Variants in RAP1GDS1 observed in about 807,000 individuals in gnomAD.
The protein encoded by RAP1GDS1 is Rap1 GTPase-GDP dissociation stimulator 1.
A neutral mutation model predicts 71.1 loss-of-function variants in RAP1GDS1; 35 were observed. The observed-to-expected ratio is 0.49, with a 90% CI of 0.38 to 0.65. The LOEUF (loss-of-function observed/expected upper bound fraction) is 0.65. Ranked by LOEUF, RAP1GDS1 falls within the 30% of genes least tolerant of loss-of-function variation. RAP1GDS1 has a pLI of 0.00. For missense variants in RAP1GDS1, 663 were observed against 706.1 expected (o/e 0.94, Z 0.69); for synonymous variants, 229 against 243.1 (o/e 0.94, Z 0.54).
intron 1 of RAP1GDS1, among the ~76,000 whole-genome samples, chr4:98,287,550 A>G (rs891552635): frequency 1.3e-5 from 2 of 152,204 alleles, no homozygotes; most frequent in Non-Finnish European, 2.9e-5. Context: ...GGGAGCAAAG[A>G]CCATGTATAT....
intron 4 of RAP1GDS1, among the ~76,000 whole-genome samples, chr4:98,372,182 A>T (rs1345339333): frequency 4.6e-5 from 7 of 150,774 alleles, no homozygotes; most frequent in Non-Finnish European, 7.4e-5. Context: ...TTTGTTTTTG[A>T]GGTGGAGTCT....
intron 2 of RAP1GDS1, among the ~76,000 whole-genome samples, chr4:98,308,430 A>G (rs962425338): frequency 2.0e-5 from 3 of 149,526 alleles, no homozygotes; most frequent in African/African-American, 7.3e-5. Context: ...TGATTGTGCC[A>G]CTGCACTCTA....
At chr4:98,359,301 C>CA (rs1560897940) in intron 4 of RAP1GDS1, among the ~76,000 whole-genome samples, 1 of 151,394 alleles carries the variant, frequency 6.6e-6, no homozygotes, top group Admixed American at 6.6e-5. Flanking sequence ...TATTATAGAC[C>CA]AAAAAAAGTG....
intron 7 of RAP1GDS1, among the ~76,000 whole-genome samples, chr4:98,411,937 T>A (rs1747126148): frequency 6.6e-6 from 1 of 152,188 alleles, no homozygotes; most frequent in Non-Finnish European, 1.5e-5. Context: ...GCCCTACTTT[T>A]AGCATGGCAC....
At chr4:98,409,629 GA>G (rs1426323181) in intron 7 of RAP1GDS1, 3 of 244,106 alleles carry the variant, frequency 1.2e-5, no homozygotes, top group South Asian at 5.8e-5. Flanking sequence ...AAAAGAAAAA[GA>G]AGGGAGCCAA....
intron 2 of RAP1GDS1, among the ~76,000 whole-genome samples, chr4:98,336,133 T>C (rs138696765): frequency 0.012 from 1,787 of 152,294 alleles, 14 homozygotes; most frequent in Non-Finnish European, 0.019. Context: ...TATTGTGTCC[T>C]CATTCTCTTA....
At chr4:98,429,266 A>AG (rs1561007625) in intron 12 of RAP1GDS1, among the ~76,000 whole-genome samples, 1 of 151,788 alleles carries the variant, frequency 6.6e-6, no homozygotes, top group East Asian at 1.9e-4. Context: ...CAAAAAAAAA[A>AG]AAAAAAAGAA....
At chr4:98,348,114 C>T (rs544767542) in intron 3 of RAP1GDS1, among the ~76,000 whole-genome samples, 2 of 152,162 alleles carry the variant, frequency 1.3e-5, no homozygotes, top group South Asian at 2.1e-4. Flanking sequence ...ATCCCTCCCC[C>T]GTACCCCCAC....
intron 3 of RAP1GDS1, among the ~76,000 whole-genome samples, chr4:98,344,327 A>G (rs1384810995): frequency 1.3e-5 from 2 of 152,136 alleles, no homozygotes; most frequent in African/African-American, 2.4e-5. Context: ...ACCAACCCCT[A>G]TCTGAATTTT....
rs73832190 is a variant in RAP1GDS1, at chr4:98,265,195, C to T, written c.4+3626C>T. Among the ~76,000 whole-genome samples the T allele has an allele frequency of 8.5e-3, 1,291 of 152,088 alleles. 15 individuals are homozygous for T. The highest frequency in any genetic ancestry group is 0.026 in the African/African-American group (1,062 of 41,492). ...AATGGCTTGAACCAGGTTATGGCAA[C>T]GGGAATAGAATATTGCAAATAAAGA... On this transcript the variant is annotated intron_variant, in intron 1 of 14. Transcript: ENST00000408927.
Position 98,312,190 on chromosome 4 carries a change from A to G in RAP1GDS1, c.112+18675A>G, listed in dbSNP as rs74487027. ...GGGGAAGCATTTTAATAATAGTATC[A>G]TCTAATTTTGCAATTCATGAACACC... On this transcript the variant is annotated intron_variant, in intron 2 of 14. Coordinates refer to ENST00000408927, the MANE Select transcript of RAP1GDS1 (RefSeq NM_001100427.2). Among the ~76,000 whole-genome samples, 491 of 152,310 alleles carry G rather than the reference A, an allele frequency of 3.2e-3. 1 individual carries two copies. The highest frequency in any genetic ancestry group is 4.5e-3 in the Non-Finnish European group (307 of 68,028).
chr4:98,413,494 T>G (rs1388087024), intron 7 of RAP1GDS1, among the ~76,000 whole-genome samples: 4 of 152,040 alleles, frequency 2.6e-5, no homozygotes, highest in Admixed American at 2.6e-4. Flanking sequence ...CTTGCGATAG[T>G]TTACTGAGAA....
At chr4:98,436,867 T>C (rs2110223864) in intron 13 of RAP1GDS1, 73 bp from the exon 14 acceptor site, 1 of 1,392,056 alleles carries the variant, frequency 7.2e-7, no homozygotes, top group Non-Finnish European at 9.4e-7. Context: ...GGTCAATTTC[T>C]TCAAAATGAA....
intron 2 of RAP1GDS1, among the ~76,000 whole-genome samples, chr4:98,337,531 A>G (rs1449839454): frequency 2.0e-5 from 3 of 152,226 alleles, no homozygotes; most frequent in Non-Finnish European, 4.4e-5. Context: ...AACATGACCT[A>G]TCATCCCTAT....
intron 5 of RAP1GDS1, among the ~76,000 whole-genome samples, chr4:98,387,055 A>G (rs951240133): frequency 5.9e-5 from 9 of 152,148 alleles, no homozygotes; most frequent in African/African-American, 9.7e-5. Flanking sequence ...TGTTTCAACT[A>G]TGCTCAACTC....
chr4:98,300,182 A>C (rs899088988), intron 2 of RAP1GDS1, among the ~76,000 whole-genome samples: 7 of 152,120 alleles, frequency 4.6e-5, no homozygotes, highest in Non-Finnish European at 8.8e-5. Context: ...TAGCCACCTA[A>C]CCTTCAGCAA....
chr4:98,365,369 C>G (rs1163156327), intron 4 of RAP1GDS1, among the ~76,000 whole-genome samples: 1 of 152,068 alleles, frequency 6.6e-6, no homozygotes, highest in Non-Finnish European at 1.5e-5. Context: ...AATCCCAGCA[C>G]TTTGGGAGGC....
intron 4 of RAP1GDS1, among the ~76,000 whole-genome samples, chr4:98,369,402 A>T (rs375784828): frequency 8.5e-5 from 13 of 152,228 alleles, no homozygotes; most frequent in African/African-American, 2.2e-4. Flanking sequence ...TTGCCCAAAG[A>T]CTTATGCGTG....
intron 5 of RAP1GDS1, among the ~76,000 whole-genome samples, chr4:98,384,518 C>G (rs1459463728): frequency 6.6e-6 from 1 of 151,632 alleles, no homozygotes; most frequent in African/African-American, 2.4e-5. Context: ...GTTAGTTAGT[C>G]TGGTGCCTCT....
Sources: gnomAD v4.1 joint callset for allele counts (sites outside exome capture counted in the v4.1 genomes callset) on GRCh38, gnomAD v4.1.1 for gene constraint, MANE v1.5 for transcripts, NCBI Gene and HGNC (gene_info 2026-07-23, HGNC 2026-07-21) for gene names.